The following ZFHX3 variants were observed in gnomAD, a reference collection of about 807,000 sequenced individuals.
The protein encoded by ZFHX3 is zinc finger homeobox 3, also known as zinc finger homeobox protein 3.
ZFHX3 carries 42 observed loss-of-function variants against 279.1 expected under a neutral mutation model. The observed-to-expected ratio is 0.15, with a 90% CI of 0.12 to 0.19. The LOEUF (loss-of-function observed/expected upper bound fraction) is 0.19. ZFHX3 is among the 10% of genes least tolerant of loss of function. ZFHX3 has a pLI of 1.00. For synonymous variants in ZFHX3, 2,293 were observed against 1,957.8 expected, an observed-to-expected ratio of 1.17 and a Z score of -4.52; for missense variants, 4,981 against 4,754.0, an observed-to-expected ratio of 1.05 and a Z score of -1.40.
At chr16:73,389,877 C>G (rs185277070) in intron 3 of ZFHX3, among the ~76,000 whole-genome samples, 2 of 152,152 alleles carry the variant, frequency 1.3e-5, no homozygotes, top group East Asian at 3.9e-4. Flanking sequence ...CTGGCCAACA[C>G]AGTGAAACCT....
At chr16:73,118,399 G>C (rs1257754382) in intron 7 of ZFHX3, among the ~76,000 whole-genome samples, 2 of 151,942 alleles carry the variant, frequency 1.3e-5, no homozygotes, top group Admixed American at 1.3e-4. Flanking sequence ...AGTAGAGATG[G>C]GGTTTCATCA....
intron 2 of ZFHX3, among the ~76,000 whole-genome samples, chr16:73,605,184 C>A (rs1370948760): frequency 1.3e-5 from 2 of 152,184 alleles, no homozygotes; most frequent in Non-Finnish European, 2.9e-5. Flanking sequence ...TTTCAAGACA[C>A]TCTTAAAATG....
At chr16:73,338,794 G>A (rs2015968338) in intron 3 of ZFHX3, among the ~76,000 whole-genome samples, 1 of 152,100 alleles carries the variant, frequency 6.6e-6, no homozygotes, top group African/African-American at 2.4e-5. Context: ...GTTATAGGAG[G>A]GGCCTGGTGG....
chr16:73,502,647 A>G (rs1382630467), intron 2 of ZFHX3, among the ~76,000 whole-genome samples: 1 of 152,186 alleles, frequency 6.6e-6, no homozygotes. Flanking sequence ...AGATCAGTGG[A>G]TCTCTCGGAC....
Position 73,243,064 on chromosome 16 carries a change from T to A in ZFHX3, c.-1104+13983A>T, listed in dbSNP as rs528037890. Among the ~76,000 whole-genome samples, 129 of 152,302 alleles carry A rather than the reference T, an allele frequency of 8.5e-4. 1 individual carries two copies. The highest frequency in any genetic ancestry group is 1.4e-3 in the Non-Finnish European group (98 of 68,030). On this transcript the variant is annotated intron_variant, in intron 5 of 17. Coordinates refer to the ZFHX3 transcript ENST00000641206. ...GTTAAATGAGTAGGGTCTACCACTG[T>A]GCAGTTCAGCCAGGAGAGCTGAGTG...
intron 1 of ZFHX3, among the ~76,000 whole-genome samples, chr16:73,798,656 G>A (rs527796416): frequency 6.6e-6 from 1 of 152,160 alleles, no homozygotes; most frequent in African/African-American, 2.4e-5. Context: ...AGTTGGCTGA[G>A]CTCCTCAGCT....
chr16:73,224,260 G>C, intron 5 of ZFHX3, among the ~76,000 whole-genome samples: 1 of 152,174 alleles, frequency 6.6e-6, no homozygotes, highest in East Asian at 1.9e-4. Context: ...TAATGGCAGA[G>C]ACAACACACG....
rs572284170 is a variant in ZFHX3 at position 73,046,820 on chromosome 16, G to A, written c.-50+932C>T. On this transcript the variant is annotated intron_variant, in intron 1 of 9. Transcript: ENST00000268489. ...AGGAGAGGCCTTCCTTCTGTGCCCA[G>A]GCAGAGCCATCTGTTCTCTCTGGGG... is the stretch of plus-strand genomic sequence containing the variant. 4.6e-5 allele frequency among the ~76,000 whole-genome samples: 7 copies of A among 151,474 alleles called. 1 individual carries two copies. The South Asian group carries it at 1.5e-3, about 32-fold the overall frequency.
At chr16:73,174,111 C>G (rs1967603375) in intron 5 of ZFHX3, among the ~76,000 whole-genome samples, 2 of 152,306 alleles carry the variant, frequency 1.3e-5, no homozygotes, top group South Asian at 4.2e-4. Context: ...GTGTTTCCCC[C>G]AGGCGAGCCA....
At chr16:73,027,385 C>T (rs1416588690) in intron 1 of ZFHX3, among the ~76,000 whole-genome samples, 1 of 152,212 alleles carries the variant, frequency 6.6e-6, no homozygotes, top group Admixed American at 6.5e-5. Flanking sequence ...AAACACCAAA[C>T]GTAACCCAGG....
intron 8 of ZFHX3, among the ~76,000 whole-genome samples, chr16:73,076,771 C>T (rs1356319238): frequency 6.6e-6 from 1 of 152,148 alleles, no homozygotes; most frequent in Non-Finnish European, 1.5e-5. Flanking sequence ...GAGAACCGAT[C>T]CTGTCAGGAA....
chr16:73,238,743 C>G (rs867917824), intron 5 of ZFHX3, among the ~76,000 whole-genome samples: 2 of 152,152 alleles, frequency 1.3e-5, no homozygotes, highest in African/African-American at 4.8e-5. Flanking sequence ...CTCGCCTGCT[C>G]TCTTCTAACT....
intron 3 of ZFHX3, chr16:73,421,430 T>C (rs886710967): frequency 3.9e-5 from 6 of 152,236 alleles, no homozygotes; most frequent in Non-Finnish European, 8.8e-5. Context: ...TTTGTGATGC[T>C]AACAAGACGT....
At chr16:73,335,884 T>A (rs1373711452) in intron 3 of ZFHX3, among the ~76,000 whole-genome samples, 2 of 152,108 alleles carry the variant, frequency 1.3e-5, no homozygotes, top group African/African-American at 4.8e-5. Context: ...AGTTAATGAG[T>A]TTTTGACTCT....
At chr16:73,060,974 C>T (rs554036694), upstream of ZFHX3, 1 of 152,244 alleles carries the variant, frequency 6.6e-6, no homozygotes, top group South Asian at 2.1e-4. Context: ...AGGGTTACCT[C>T]ATCTAATCCT....
intron 3 of ZFHX3, among the ~76,000 whole-genome samples, chr16:72,901,935 T>C (rs2039047712): frequency 6.6e-6 from 1 of 152,174 alleles, no homozygotes. Flanking sequence ...TTAAGTCTCA[T>C]TAAAAGCCGA....
chr16:73,483,268 G>A, intron 2 of ZFHX3: 3 of 407,698 alleles, frequency 7.4e-6, no homozygotes, highest in South Asian at 5.3e-5. Context: ...CAGGACAAAT[G>A]CGTACGCATA....
rs375206958 is a variant in ZFHX3, at chr16:73,239,119, A to T, written c.-1104+17928T>A. On this transcript the variant is annotated intron_variant, in intron 5 of 17. Coordinates refer to the ZFHX3 transcript ENST00000641206. ...GATCCCAAAATAAACTGGGTGCTTAATAAATTAATATTACTATTTTTATTC... is the reference window on the plus strand; with the variant it reads ...GATCCCAAAATAAACTGGGTGCTTATTAAATTAATATTACTATTTTTATTC... Among the ~76,000 whole-genome samples the T allele has an allele frequency of 4.6e-5, 7 of 152,318 alleles. 1 individual carries two copies. Among genetic ancestry groups the T allele is most frequent in the African/African-American group, 1.7e-4 (7 of 41,556 alleles).
chr16:73,771,170 C>T (rs1260777570), intron 1 of ZFHX3, among the ~76,000 whole-genome samples: 2 of 152,170 alleles, frequency 1.3e-5, no homozygotes, highest in Non-Finnish European at 2.9e-5. Flanking sequence ...CCTTAGAAAA[C>T]AGGCAAGGGG....
Sources: allele counts gnomAD v4.1 joint callset (sites outside exome capture counted in the v4.1 genomes callset), GRCh38; gene constraint gnomAD v4.1.1; transcripts MANE v1.5; gene names NCBI Gene and HGNC (gene_info 2026-07-23, HGNC 2026-07-21).